Variants in PTPRF observed in about 807,000 individuals in gnomAD.
PTPRF encodes receptor-type tyrosine-protein phosphatase F.
In PTPRF, 59 loss-of-function variants were observed where a neutral mutation model predicts 201.8. That is an observed-to-expected ratio of 0.29 (90% confidence interval 0.24 to 0.36). PTPRF has a LOEUF of 0.36. PTPRF is among the 10% of genes least tolerant of loss of function. The probability of loss-of-function intolerance (pLI) is 1.00; values close to 1 mark genes in which losing one functional copy is unlikely to be tolerated. For missense variants in PTPRF, 2,132 were observed against 2,690.5 expected (o/e 0.79, Z 4.59); for synonymous variants, 1,088 against 1,089.7 (o/e 1.00, Z 0.03).
intron 2 of PTPRF, among the ~76,000 whole-genome samples, chr1:43,543,063 G>T (rs908615961): frequency 4.6e-5 from 7 of 152,112 alleles, no homozygotes; most frequent in African/African-American, 7.2e-5. Context: ...GTCCTTTGGT[G>T]CAACACAGCT....
chr1:43,598,116 C>T, intron 12 of PTPRF, 63 bp downstream of exon 12: 3 of 1,409,892 alleles, frequency 2.1e-6, no homozygotes, highest in Non-Finnish European at 2.8e-6. Flanking sequence ...CACCAAGCTC[C>T]CCAGGGCCTT....
chr1:43,534,832 G>T (rs1643903717), intron 1 of PTPRF, among the ~76,000 whole-genome samples: 1 of 152,118 alleles, frequency 6.6e-6, no homozygotes, highest in South Asian at 2.1e-4. Flanking sequence ...TGCTAGGATT[G>T]GACTCTGTTT....
At chr1:43,563,557 G>T (rs957664442) in intron 5 of PTPRF, among the ~76,000 whole-genome samples, 1 of 152,210 alleles carries the variant, frequency 6.6e-6, no homozygotes, top group Non-Finnish European at 1.5e-5. Flanking sequence ...CTGAGAGACT[G>T]GAGGGAAACT....
intron 13 of PTPRF, among the ~76,000 whole-genome samples, chr1:43,600,831 C>T (rs925513155): frequency 6.6e-6 from 1 of 152,036 alleles, no homozygotes; most frequent in African/African-American, 2.4e-5. Flanking sequence ...CCTGCCATTC[C>T]TCTGACCCCT....
intron 3 of PTPRF, among the ~76,000 whole-genome samples, chr1:43,552,115 G>A (rs200704726): frequency 9.9e-5 from 15 of 150,796 alleles, no homozygotes; most frequent in African/African-American, 3.7e-4. Flanking sequence ...AAGAAAAAAA[G>A]AAAAAAAAAA....
intron 6 of PTPRF, among the ~76,000 whole-genome samples, chr1:43,571,828 G>A (rs139417790): frequency 2.4e-4 from 37 of 152,348 alleles, no homozygotes; most frequent in African/African-American, 8.2e-4. Context: ...TCCCCTGCCC[G>A]TGTCTCATCG....
intron 6 of PTPRF, among the ~76,000 whole-genome samples, chr1:43,575,442 C>G (rs974470577): frequency 3.3e-5 from 5 of 152,258 alleles, no homozygotes; most frequent in African/African-American, 9.6e-5. Context: ...TGCTAGTAGC[C>G]CATGGCAAGC....
intron 3 of PTPRF, among the ~76,000 whole-genome samples, chr1:43,545,643 G>T: frequency 6.6e-6 from 1 of 152,196 alleles, no homozygotes; most frequent in Non-Finnish European, 1.5e-5. Flanking sequence ...CTTCCCCTAC[G>T]CTGGACCCTC....
Position 43,593,712 on chromosome 1 carries a change from C to T in PTPRF, c.1813+1111C>T, listed in dbSNP as rs139932823. Among the ~76,000 whole-genome samples the T allele has an allele frequency of 3.9e-4, 59 of 150,632 alleles. 2 individuals are homozygous for T. In the East Asian group the frequency reaches 0.011, roughly 28 times the overall value. On this transcript the variant is annotated intron_variant, in intron 11 of 33. Transcript: ENST00000359947. ...TAAAAGCTCATTTGGAGGCCAGGCA[C>T]GGTGGCTCACACCTGTAATCCCAGC...
chr1:43,547,970 C>T (rs74071968), intron 3 of PTPRF, among the ~76,000 whole-genome samples: 2,402 of 152,254 alleles, frequency 0.016, 65 homozygotes, highest in African/African-American at 0.054. Flanking sequence ...GCAAGACCTG[C>T]AGTGTGGAGG....
At position 43,606,353 on chromosome 1, in the gene PTPRF, C is replaced by T; in HGVS notation, c.3597C>T (p.Thr1199=). The T allele has an allele frequency of 6.2e-7, 1 of 1,614,170 alleles. No homozygotes were observed. The highest frequency in any genetic ancestry group is 8.5e-7 in the Non-Finnish European group (1 of 1,180,014). Residue 1199 remains threonine (T), a synonymous_variant, in exon 20 of 34, where the codon ACC becomes ACT. Transcript: ENST00000359947. ...AQLDVLPETF[T]LGDKKNYRGF... ...TGGATGTGCTCCCGGAGACCTTTAC[C>T]TTGGGGGACAAGAAGAACTACCGGG...
chr1:43,614,876 C>G (rs1040579066), intron 23 of PTPRF, among the ~76,000 whole-genome samples: 2 of 151,546 alleles, frequency 1.3e-5, no homozygotes, highest in African/African-American at 4.8e-5. Context: ...AAAAAAAACT[C>G]TTAAAAAAGA....
chr1:43,593,267 GAGTGTGTGACC>G (rs1379568714), intron 11 of PTPRF, among the ~76,000 whole-genome samples: 1 of 152,228 alleles, frequency 6.6e-6, no homozygotes, highest in Non-Finnish European at 1.5e-5. Context: ...CCATGAGTGT[GAGTGTGTGACC>G]ACACCTGACC....
chr1:43,532,703 C>G (rs1419891483), intron 1 of PTPRF: 2 of 114,058 alleles, frequency 1.8e-5, no homozygotes, highest in Admixed American at 1.9e-4. Flanking sequence ...TTAACTCTTG[C>G]TTCAGGGAGC....
At position 43,579,306 on chromosome 1, in the gene PTPRF, G is replaced by A. The variant is rs149422278; in HGVS notation, c.679+386G>A. On this transcript the variant is annotated intron_variant, in intron 7 of 33. Transcript: ENST00000359947. ...TGTAAATGCATGCATACCTGGCCTGGCTTTCCTTCAGTACATCCTCCTGCC... is the reference window on the plus strand; with the variant it reads ...TGTAAATGCATGCATACCTGGCCTGACTTTCCTTCAGTACATCCTCCTGCC... The A allele has an allele frequency of 6.1e-4, 270 of 441,816 alleles. 1 individual carries two copies. Among genetic ancestry groups the A allele is most frequent in the African/African-American group, 5.1e-3 (253 of 50,012 alleles). The allele number at this position is 441,816 out of a possible 1,614,324, so 27.4% of individuals were successfully genotyped here. A position where few individuals can be genotyped will look rare whatever the true frequency, so the allele number is the denominator to read the frequency against.
At chr1:43,557,177 C>T (rs1645434631) in intron 5 of PTPRF, among the ~76,000 whole-genome samples, 1 of 152,180 alleles carries the variant, frequency 6.6e-6, no homozygotes, top group Non-Finnish European at 1.5e-5. Context: ...ACAGGGCCTC[C>T]TTGTTAGTAT....
Position 43,605,594 on chromosome 1 carries a change from G to A in PTPRF, c.3455G>A (p.Ser1152Asn). 1 of 1,614,166 alleles carries A rather than the reference G, an allele frequency of 6.2e-7. No individual in the cohort carries two copies. The highest frequency in any genetic ancestry group is 8.5e-7 in the Non-Finnish European group (1 of 1,180,030). Reference sequence around the variant, plus strand: ...GGGAGCATGCTGACGCCAAGGTGGAGCACACCCGAGGAACTGGAGCTGGAC... The same window carrying A: ...GGGAGCATGCTGACGCCAAGGTGGAACACACCCGAGGAACTGGAGCTGGAC... ...VGGSMLTPRWSTPEELELDEL... is the reference protein window; with the variant it reads ...VGGSMLTPRWNTPEELELDEL... Residue 1152 changes from serine to asparagine, a missense_variant, in exon 19 of 34, where the codon AGC (serine) becomes AAC (asparagine). This residue lies in a region of PTPRF where 818 missense variants were observed against 915.3 expected (regional missense o/e 0.89). Transcript: ENST00000359947.
chr1:43,580,832 C>G (rs58857291), intron 7 of PTPRF, among the ~76,000 whole-genome samples: 3,380 of 152,338 alleles, frequency 0.022, 126 homozygotes, highest in African/African-American at 0.078. Flanking sequence ...TGTGGCTGCA[C>G]CAGGGAGAGG....
At position 43,604,094 on chromosome 1, in the gene PTPRF, A is replaced by G. The variant is rs778630314; in HGVS notation, c.2942A>G (p.Asp981Gly). ...TRFTLTGLKP[D>G]TTYDIKVRAW... ...TTTACCCTTACTGGCCTCAAGCCAG[A>G]CACCACTTACGACATCAAGGTCCGC... Residue 981 changes from aspartate (D) to glycine (G), a missense_variant, in exon 16 of 34, where the codon GAC (aspartate) becomes GGC (glycine). This residue lies in a region of PTPRF where 818 missense variants were observed against 915.3 expected (regional missense o/e 0.89). Transcript: ENST00000359947. 1 of 1,614,244 alleles carries G rather than the reference A, an allele frequency of 6.2e-7. No homozygotes were observed. The highest frequency in any genetic ancestry group is 1.7e-5 in the Admixed American group (1 of 60,030).
Sources: allele counts gnomAD v4.1 joint callset (sites outside exome capture counted in the v4.1 genomes callset), GRCh38; gene constraint gnomAD v4.1.1; regional missense constraint gnomAD v4.1.1; transcripts MANE v1.5; gene names NCBI Gene and HGNC (gene_info 2026-07-23, HGNC 2026-07-21).